BTC: variants seen among roughly 807,000 people sequenced by gnomAD.
BTC encodes the protein probetacellulin.
BTC carries 13 observed loss-of-function variants against 18.1 expected under a neutral mutation model. The ratio of observed to expected loss-of-function variants is 0.72; its 90% CI spans 0.47 to 1.14. BTC has a LOEUF of 1.14. Among genes scored for constraint, BTC ranks in the 50% most tolerant of loss-of-function variants. BTC has a pLI of 0.00. For synonymous variants in BTC, 83 were observed against 79.4 expected, an observed-to-expected ratio of 1.05 and a Z score of -0.24; for missense variants, 247 against 224.2, an observed-to-expected ratio of 1.10 and a Z score of -0.65.
At chr4:74,784,700 T>C (rs964637463) in intron 1 of BTC, among the ~76,000 whole-genome samples, 33 of 152,236 alleles carry the variant, frequency 2.2e-4, no homozygotes, top group East Asian at 1.2e-3. Context: ...TTTTTGTCTT[T>C]AGTTCTGTTT....
chr4:74,774,632 A>G (rs1725130351), intron 1 of BTC, among the ~76,000 whole-genome samples: 1 of 151,978 alleles, frequency 6.6e-6, no homozygotes, highest in South Asian at 2.1e-4. Flanking sequence ...TAAAAGGAAT[A>G]ACTTGTTAAA....
intron 1 of BTC, among the ~76,000 whole-genome samples, chr4:74,785,793 G>A (rs1725462805): frequency 6.6e-6 from 1 of 152,074 alleles, no homozygotes; most frequent in African/African-American, 2.4e-5. Context: ...CACACATATA[G>A]TTCTCCTAAA....
intron 1 of BTC, among the ~76,000 whole-genome samples, chr4:74,792,606 T>C (rs988826794): frequency 1.3e-5 from 2 of 152,220 alleles, no homozygotes; most frequent in African/African-American, 4.8e-5. Context: ...CTGTTCCAAA[T>C]ATTCTAATCT....
At chr4:74,780,225 T>G (rs977913050) in intron 1 of BTC, among the ~76,000 whole-genome samples, 1 of 152,184 alleles carries the variant, frequency 6.6e-6, no homozygotes, top group Non-Finnish European at 1.5e-5. Flanking sequence ...ATATTGCCAG[T>G]TGAAGCTTCT....
intron 1 of BTC, among the ~76,000 whole-genome samples, chr4:74,775,026 A>G (rs1193908995): frequency 2.0e-5 from 3 of 152,138 alleles, no homozygotes; most frequent in South Asian, 2.1e-4. Context: ...TACCGCTTGG[A>G]TAACTGTCTG....
chr4:74,773,913 G>A (rs1444577005), intron 1 of BTC, among the ~76,000 whole-genome samples: 2 of 151,998 alleles, frequency 1.3e-5, no homozygotes, highest in South Asian at 2.1e-4. Context: ...AGCCCGGCCC[G>A]ACACACAAAT....
intron 2 of BTC, among the ~76,000 whole-genome samples, chr4:74,768,146 T>C (rs952573708): frequency 7.2e-5 from 11 of 152,154 alleles, no homozygotes; most frequent in Admixed American, 7.2e-4. Flanking sequence ...AAATCCATTT[T>C]GATGGGTAAA....
At chr4:74,779,488 A>T (rs1331425952) in intron 1 of BTC, among the ~76,000 whole-genome samples, 1 of 152,206 alleles carries the variant, frequency 6.6e-6, no homozygotes, top group African/African-American at 2.4e-5. Flanking sequence ...CTTTATAATA[A>T]GGCCAAACCA....
intron 5 of BTC, among the ~76,000 whole-genome samples, chr4:74,747,283 C>T (rs546153487): frequency 1.3e-5 from 2 of 152,258 alleles, no homozygotes; most frequent in Non-Finnish European, 2.9e-5. Flanking sequence ...GCTCCATTGC[C>T]CTCTGGTTTC....
At chr4:74,752,100 A>G (rs1004197115) in intron 3 of BTC, among the ~76,000 whole-genome samples, 1 of 152,192 alleles carries the variant, frequency 6.6e-6, no homozygotes, top group South Asian at 2.1e-4. Flanking sequence ...CTTAATGCCA[A>G]TATTGTAGCT....
chr4:74,777,639 A>G (rs984651773), intron 1 of BTC, among the ~76,000 whole-genome samples: 1 of 152,162 alleles, frequency 6.6e-6, no homozygotes, highest in Non-Finnish European at 1.5e-5. Context: ...TGAAGTTAAT[A>G]TGCCTCAGCT....
At chr4:74,777,141 C>A (rs1174057787) in intron 1 of BTC, among the ~76,000 whole-genome samples, 1 of 152,100 alleles carries the variant, frequency 6.6e-6, no homozygotes, top group Non-Finnish European at 1.5e-5. Flanking sequence ...GTTTTTGAAT[C>A]CTAGATCTAC....
intron 1 of BTC, among the ~76,000 whole-genome samples, chr4:74,793,577 GA>G (rs2109927107): frequency 6.6e-6 from 1 of 152,274 alleles, no homozygotes; most frequent in African/African-American, 2.4e-5. Flanking sequence ...GAAGAGTTGG[GA>G]TTTTTTCCTA....
intron 2 of BTC, among the ~76,000 whole-genome samples, chr4:74,763,319 T>C (rs1243030865): frequency 8.5e-5 from 13 of 152,096 alleles, no homozygotes; most frequent in African/African-American, 2.9e-4. Context: ...AAATAATATT[T>C]TCTTAAAATT....
chr4:74,770,304 C>T (rs975877657), intron 1 of BTC, 148 bp from the exon 2 acceptor site: 2 of 623,154 alleles, frequency 3.2e-6, no homozygotes, highest in Non-Finnish European at 5.6e-6. Context: ...GGAAGGGATA[C>T]AGAGGCCAGC....
chr4:74,790,285 T>C (rs1725586649), intron 1 of BTC, among the ~76,000 whole-genome samples: 1 of 152,236 alleles, frequency 6.6e-6, no homozygotes, highest in Non-Finnish European at 1.5e-5. Context: ...AACTCATGCT[T>C]ATTCTATGTT....
At chr4:74,761,643 T>A (rs1724760414) in intron 2 of BTC, among the ~76,000 whole-genome samples, 1 of 152,202 alleles carries the variant, frequency 6.6e-6, no homozygotes, top group African/African-American at 2.4e-5. Flanking sequence ...AATATTGGAA[T>A]TATCTTGACT....
intron 1 of BTC, among the ~76,000 whole-genome samples, chr4:74,774,148 G>A (rs1019489863): frequency 6.6e-6 from 1 of 152,242 alleles, no homozygotes; most frequent in South Asian, 2.1e-4. Flanking sequence ...TTTCAGCAGT[G>A]GATAATATTT....
chr4:74,761,477 C>A (rs1419259233), intron 2 of BTC, among the ~76,000 whole-genome samples: 1 of 152,200 alleles, frequency 6.6e-6, no homozygotes, highest in African/African-American at 2.4e-5. Context: ...TTTACATCAT[C>A]CCTCACTCCC....
Sources: gnomAD v4.1 joint callset for allele counts (sites outside exome capture counted in the v4.1 genomes callset) on GRCh38, gnomAD v4.1.1 for gene constraint, MANE v1.5 for transcripts, NCBI Gene and HGNC (gene_info 2026-07-23, HGNC 2026-07-21) for gene names.